KLF12: variants seen among roughly 807,000 people sequenced by gnomAD.
KLF12 encodes the protein Krueppel-like factor 12.
KLF12 carries 9 observed loss-of-function variants against 37.8 expected under a neutral mutation model. That is an observed-to-expected ratio of 0.24 (90% CI 0.14 to 0.42). KLF12 has a LOEUF of 0.42. Among genes scored for constraint, KLF12 ranks in the 10% least tolerant of loss-of-function variants. KLF12 has a pLI of 1.00. For synonymous variants in KLF12, 208 were observed against 202.1 expected, an observed-to-expected ratio of 1.03 and a Z score of -0.25; for missense variants, 411 against 516.0, an observed-to-expected ratio of 0.80 and a Z score of 1.97.
At position 73,701,962 on chromosome 13, in the gene KLF12, C is replaced by T. The variant is rs138733032; in HGVS notation, c.1028-6291G>A. Among the ~76,000 whole-genome samples the T allele has an allele frequency of 3.8e-3, 580 of 152,182 alleles. 5 individuals are homozygous for T. Among genetic ancestry groups the T allele is most frequent in the African/African-American group, 0.013 (539 of 41,528 alleles). On this transcript the variant is annotated intron_variant, in intron 7 of 7. Transcript: ENST00000377669. ...TGTTAACCAACACTAATAAGAAGAGCATCTGTTTTTTAAAGTGAAATAGTC... is the reference window on the plus strand; with the variant it reads ...TGTTAACCAACACTAATAAGAAGAGTATCTGTTTTTTAAAGTGAAATAGTC...
chr13:74,125,990 C>CT (rs1877919775), intron 1 of KLF12, among the ~76,000 whole-genome samples: 1 of 152,174 alleles, frequency 6.6e-6, no homozygotes, highest in Admixed American at 6.5e-5. Context: ...AATTTCATTA[C>CT]TTTACTTTGC....
At chr13:73,696,412 G>A (rs930293783) in intron 7 of KLF12, among the ~76,000 whole-genome samples, 13 of 152,148 alleles carry the variant, frequency 8.5e-5, no homozygotes, top group African/African-American at 2.9e-4. Context: ...CAGTCAACTT[G>A]TAAGGACAGT....
intron 4 of KLF12, among the ~76,000 whole-genome samples, chr13:73,840,434 C>T (rs1438068087): frequency 6.6e-6 from 1 of 152,108 alleles, no homozygotes. Flanking sequence ...CCACCCAACT[C>T]CCATCTCAAG....
At chr13:74,199,423 G>A in the KLF12 span, among the ~76,000 whole-genome samples, 2 of 152,174 alleles carry the variant, frequency 1.3e-5, no homozygotes, top group African/African-American at 4.8e-5. Flanking sequence ...TTTTAAACCT[G>A]ACTGGTAGTG....
rs113501447 is a variant in KLF12, at chr13:74,084,089, G to A, written c.-32+49650C>T. On this transcript the variant is annotated intron_variant, in intron 1 of 7. Coordinates refer to ENST00000377669, the MANE Select transcript of KLF12 (RefSeq NM_007249.5). The stretch of plus-strand genomic sequence containing the variant: ...TATTTTAATGTTACCGAACAAGTAC[G>A]TGAGGTTCACTATTAAAAATAATTT... Among the ~76,000 whole-genome samples the A allele has an allele frequency of 6.1e-3, 932 of 152,256 alleles. 9 individuals carry two copies. The highest frequency in any genetic ancestry group is 0.021 in the African/African-American group (883 of 41,548).
chr13:73,923,224 A>C (rs1191126986), intron 3 of KLF12, among the ~76,000 whole-genome samples: 2 of 152,170 alleles, frequency 1.3e-5, no homozygotes, highest in East Asian at 3.8e-4. Flanking sequence ...AGATAGAGTG[A>C]GTACATTTCT....
At chr13:74,025,848 T>C (rs567954540) in intron 1 of KLF12, among the ~76,000 whole-genome samples, 3 of 152,296 alleles carry the variant, frequency 2.0e-5, no homozygotes, top group Non-Finnish European at 2.9e-5. Flanking sequence ...CCCAGGTAGA[T>C]ACAAAGGCAT....
At chr13:73,766,308 A>G (rs944014344) in intron 5 of KLF12, among the ~76,000 whole-genome samples, 4 of 152,204 alleles carry the variant, frequency 2.6e-5, no homozygotes, top group Non-Finnish European at 2.9e-5. Context: ...CTCGGCGTCC[A>G]GCCAAACTGG....
the KLF12 span, among the ~76,000 whole-genome samples, chr13:74,180,485 C>A: frequency 6.6e-6 from 1 of 152,192 alleles, no homozygotes; most frequent in Non-Finnish European, 1.5e-5. Context: ...CTTAAGAAAG[C>A]CAAATTCTGC....
chr13:73,838,812 T>C (rs1884577622), intron 4 of KLF12, among the ~76,000 whole-genome samples: 1 of 152,092 alleles, frequency 6.6e-6, no homozygotes, highest in Non-Finnish European at 1.5e-5. Context: ...AAGACAGAAA[T>C]GTAGCAAAAG....
intron 1 of KLF12, 140 bp from the exon 2 acceptor site, chr13:73,995,193 G>T (rs1199683357): frequency 3.3e-6 from 2 of 605,898 alleles, no homozygotes; most frequent in Non-Finnish European, 5.6e-6. Context: ...CTTTTCTTCA[G>T]CTATGTGTTG....
chr13:74,104,093 C>T (rs1876516304), intron 1 of KLF12, among the ~76,000 whole-genome samples: 1 of 152,178 alleles, frequency 6.6e-6, no homozygotes, highest in Non-Finnish European at 1.5e-5. Context: ...ACATCCCATG[C>T]AACAATAGAG....
rs927561140 is a variant in KLF12 at position 73,691,849 on chromosome 13, G to T, written c.*3641C>A. ...TGGCAATTTAAAGTTAAAAAGAATT[G>T]TATAAAAATGAACACAATCTTTGCA... On this transcript the variant is annotated 3_prime_UTR_variant, in exon 8 of 8. Coordinates refer to ENST00000377669, the MANE Select transcript of KLF12 (RefSeq NM_007249.5). 5 of 152,568 alleles carry T rather than the reference G, an allele frequency of 3.3e-5. No individual in the cohort carries two copies. The highest frequency in any genetic ancestry group is 1.2e-4 in the African/African-American group (5 of 41,450). 9.5% of individuals were successfully genotyped at this position (152,568 alleles called of 1,614,324 possible).
chr13:74,217,403 G>C, the KLF12 span, among the ~76,000 whole-genome samples: 1 of 151,382 alleles, frequency 6.6e-6, no homozygotes, highest in African/African-American at 2.4e-5. Flanking sequence ...ACAATATAAA[G>C]AGAACTAAAA....
the KLF12 span, among the ~76,000 whole-genome samples, chr13:74,235,685 A>G: frequency 2.0e-5 from 3 of 152,154 alleles, no homozygotes; most frequent in African/African-American, 7.2e-5. Flanking sequence ...CTATACTTTC[A>G]TGAGGAGTAT....
At chr13:73,893,040 C>T (rs1887587661) in intron 3 of KLF12, among the ~76,000 whole-genome samples, 1 of 150,918 alleles carries the variant, frequency 6.6e-6, no homozygotes, top group Non-Finnish European at 1.5e-5. Flanking sequence ...AAAAAAAAAA[C>T]CCTTTTCTTA....
At chr13:73,817,776 T>C (rs997861568) in intron 4 of KLF12, among the ~76,000 whole-genome samples, 2 of 152,234 alleles carry the variant, frequency 1.3e-5, no homozygotes, top group Non-Finnish European at 2.9e-5. Flanking sequence ...ATTTTCTGCA[T>C]GTCACCTCCT....
chr13:74,089,296 T>A (rs1275188354), intron 1 of KLF12, among the ~76,000 whole-genome samples: 1 of 152,142 alleles, frequency 6.6e-6, no homozygotes, highest in Non-Finnish European at 1.5e-5. Context: ...TCATTCCATT[T>A]TTAAAACAGG....
At chr13:74,049,277 T>C (rs1436892910) in intron 1 of KLF12, among the ~76,000 whole-genome samples, 3 of 152,160 alleles carry the variant, frequency 2.0e-5, no homozygotes, top group East Asian at 3.9e-4. Context: ...CTCATTCAAA[T>C]TGCAAACTGC....
Sources: allele counts gnomAD v4.1 joint callset (sites outside exome capture counted in the v4.1 genomes callset), GRCh38; gene constraint gnomAD v4.1.1; transcripts MANE v1.5; gene names NCBI Gene and HGNC (gene_info 2026-07-23, HGNC 2026-07-21).